RPS6KA5: variants seen among roughly 807,000 people sequenced by gnomAD.
RPS6KA5 encodes the protein ribosomal protein S6 kinase A5.
In RPS6KA5, 27 loss-of-function variants were observed where a neutral mutation model predicts 85.5. That is an observed-to-expected ratio of 0.32 (90% CI 0.23 to 0.44). The LOEUF (loss-of-function observed/expected upper bound fraction) is 0.44. Ranked by LOEUF, RPS6KA5 falls within the 20% of genes least tolerant of loss-of-function variation. The pLI, the probability that RPS6KA5 is intolerant of heterozygous loss-of-function variation, is 1.00. For missense variants in RPS6KA5, 811 were observed against 980.9 expected (o/e 0.83, Z 2.31); for synonymous variants, 334 against 348.2 (o/e 0.96, Z 0.46).
At chr14:91,021,426 A>T (rs1192731692) in intron 1 of RPS6KA5, among the ~76,000 whole-genome samples, 1 of 152,140 alleles carries the variant, frequency 6.6e-6, no homozygotes, top group Non-Finnish European at 1.5e-5. Context: ...GGATTGCTTG[A>T]GCCCAGGAGT....
At position 90,947,524 on chromosome 14, in the gene RPS6KA5, T is replaced by C; in HGVS notation, c.421A>G (p.Thr141Ala). The C allele has an allele frequency of 6.2e-7, 1 of 1,605,702 alleles. No individual in the cohort carries two copies. The highest frequency in any genetic ancestry group is 8.5e-7 in the Non-Finnish European group (1 of 1,172,674). Reference sequence around the variant, plus strand: ...AAACGCTCTCTTTGAGAAAGATGAGTAAAAAGTTCACCACCATTTATATAA... The same window carrying C: ...AAACGCTCTCTTTGAGAAAGATGAGCAAAAAGTTCACCACCATTTATATAA... Reference protein sequence around the residue: ...LDYINGGELFTHLSQRERFTE... With the variant: ...LDYINGGELFAHLSQRERFTE... Residue 141 changes from threonine (T) to alanine (A), a missense_variant, in exon 4 of 17, where the codon ACT becomes GCT. Transcript: ENST00000614987.
In RPS6KA5 at chr14:91,060,408, G is replaced by A; in HGVS notation, c.27C>T (p.Gly9=). The change falls in exon 1 of 17, where the codon GGC becomes GGT. Residue 9 remains glycine, a synonymous_variant. Transcript: ENST00000614987. ...CGTCCGCGCTGGTCCCCGCGGCGCC[G>A]CCGCTGCTGCCACCCTCCTCCTCCA... MEEEGGSS[G]GAAGTSADGG... 2.0e-6 allele frequency: 3 copies of A among 1,504,474 alleles called. No homozygotes were observed. Among genetic ancestry groups the A allele is most frequent in the Admixed American group, 2.0e-5 (1 of 49,870 alleles). 93.2% of individuals were successfully genotyped at this position (1,504,474 alleles called of 1,614,324 possible).
intron 1 of RPS6KA5, among the ~76,000 whole-genome samples, chr14:91,036,240 A>C (rs1274339757): frequency 6.6e-6 from 1 of 152,232 alleles, no homozygotes; most frequent in Non-Finnish European, 1.5e-5. Context: ...CAGACCACTG[A>C]GGACTTGGAA....
At chr14:90,894,973 T>C (rs1566704996) in intron 12 of RPS6KA5, among the ~76,000 whole-genome samples, 1 of 152,168 alleles carries the variant, frequency 6.6e-6, no homozygotes, top group Non-Finnish European at 1.5e-5. Flanking sequence ...TGCAATTGCA[T>C]CCAGCTAATT....
At chr14:90,943,860 G>A in intron 4 of RPS6KA5, among the ~76,000 whole-genome samples, 1 of 152,010 alleles carries the variant, frequency 6.6e-6, no homozygotes, top group Admixed American at 6.6e-5. Flanking sequence ...TGTTATTGTT[G>A]TTGTTGTTTT....
At chr14:90,874,499 G>T (rs1234016400) in intron 15 of RPS6KA5, among the ~76,000 whole-genome samples, 2 of 152,164 alleles carry the variant, frequency 1.3e-5, no homozygotes, top group Admixed American at 6.5e-5. Context: ...GGAAACAAAG[G>T]CAGACAGGAC....
intron 1 of RPS6KA5, among the ~76,000 whole-genome samples, chr14:91,040,732 T>A (rs891340947): frequency 1.3e-5 from 2 of 152,100 alleles, no homozygotes; most frequent in Non-Finnish European, 2.9e-5. Flanking sequence ...TGTAAGGAGA[T>A]GAGGCAGTCA....
intron 3 of RPS6KA5, among the ~76,000 whole-genome samples, chr14:90,964,412 A>G (rs996381127): frequency 6.6e-6 from 1 of 152,254 alleles, no homozygotes; most frequent in Non-Finnish European, 1.5e-5. Flanking sequence ...TAAGTACTAC[A>G]AAACATAAAT....
intron 2 of RPS6KA5, among the ~76,000 whole-genome samples, chr14:90,983,978 G>A (rs2039950896): frequency 6.6e-6 from 1 of 152,090 alleles, no homozygotes; most frequent in African/African-American, 2.4e-5. Flanking sequence ...CGGATTAGCT[G>A]GGACTACAGG....
chr14:90,981,239 C>A (rs1278451642), intron 2 of RPS6KA5, among the ~76,000 whole-genome samples: 1 of 152,076 alleles, frequency 6.6e-6, no homozygotes, highest in African/African-American at 2.4e-5. Context: ...CTTCTATATC[C>A]TCTGGACTTA....
chr14:90,883,315 C>CT (rs1312966458), intron 14 of RPS6KA5, among the ~76,000 whole-genome samples: 5 of 152,142 alleles, frequency 3.3e-5, no homozygotes, highest in East Asian at 1.9e-4. Context: ...GCTCTGTTCG[C>CT]TTTTTTTCAT....
chr14:90,922,556 T>C (rs938583580), intron 6 of RPS6KA5, among the ~76,000 whole-genome samples: 8 of 152,194 alleles, frequency 5.3e-5, no homozygotes, highest in African/African-American at 1.7e-4. Flanking sequence ...TCAAACATTC[T>C]CCTTCCTCAG....
At chr14:90,997,808 C>T (rs569850408) in intron 2 of RPS6KA5, among the ~76,000 whole-genome samples, 10 of 151,914 alleles carry the variant, frequency 6.6e-5, no homozygotes, top group African/African-American at 1.7e-4. Context: ...GTCAGGAGTT[C>T]GAGACCAATC....
chr14:90,884,279 C>T (rs1050964631), intron 14 of RPS6KA5, among the ~76,000 whole-genome samples: 16 of 152,126 alleles, frequency 1.1e-4, no homozygotes, highest in African/African-American at 3.9e-4. Flanking sequence ...TGGGTGGCTG[C>T]TGTAAGTTGA....
intron 16 of RPS6KA5, among the ~76,000 whole-genome samples, chr14:90,873,109 T>C (rs2033227170): frequency 6.6e-6 from 1 of 152,240 alleles, no homozygotes; most frequent in Non-Finnish European, 1.5e-5. Flanking sequence ...TCTTATACTA[T>C]ACTTCACATG....
At chr14:90,956,590 GTCTT>G (rs914035396) in intron 3 of RPS6KA5, among the ~76,000 whole-genome samples, 54 of 150,704 alleles carry the variant, frequency 3.6e-4, no homozygotes, top group Admixed American at 9.2e-4. Context: ...CTCTAGTCTA[GTCTT>G]TCTTTATCCT....
chr14:91,035,403 C>T (rs1247014951), intron 1 of RPS6KA5, among the ~76,000 whole-genome samples: 8 of 152,060 alleles, frequency 5.3e-5, no homozygotes. Context: ...GGGGCATGGA[C>T]TTAGACAAAG....
Position 90,862,044 on chromosome 14 carries a change from G to A in RPS6KA5, c.*10030C>T, listed in dbSNP as rs769411514. ...AAATGAATTTCTAAAAATTACTAAC[G>A]AACTAACATAGGAGGAAACAATGGA... On this transcript the variant is annotated 3_prime_UTR_variant, in exon 17 of 17. Coordinates refer to ENST00000614987, the MANE Select transcript of RPS6KA5 (RefSeq NM_004755.4). 2.0e-5 allele frequency: 3 copies of A among 152,006 alleles called. No homozygotes were observed. The highest frequency in any genetic ancestry group is 4.8e-5 in the African/African-American group (2 of 41,384). The allele number at this position is 152,006 out of a possible 1,614,324, so 9.4% of individuals were successfully genotyped here.
chr14:90,992,088 G>A (rs2040333435), intron 2 of RPS6KA5, among the ~76,000 whole-genome samples: 1 of 152,034 alleles, frequency 6.6e-6, no homozygotes, highest in Admixed American at 6.6e-5. Context: ...ATTCTAAGTA[G>A]TGCTGAAAAA....
Sources: allele counts gnomAD v4.1 joint callset (sites outside exome capture counted in the v4.1 genomes callset), GRCh38; gene constraint gnomAD v4.1.1; transcripts MANE v1.5; gene names NCBI Gene and HGNC (gene_info 2026-07-23, HGNC 2026-07-21).